TARBP1: variants seen among roughly 807,000 people sequenced by gnomAD.
The protein encoded by TARBP1 is tRNA (guanosine(18)-2'-O)-methyltransferase TARBP1.
In TARBP1, 144 loss-of-function variants were observed where a neutral mutation model predicts 178.6. The observed-to-expected ratio is 0.81, with a 90% CI of 0.70 to 0.93. The LOEUF (loss-of-function observed/expected upper bound fraction) is 0.93. Among genes scored for constraint, TARBP1 ranks in the 40% least tolerant of loss-of-function variants. The pLI is 0.00. For synonymous variants in TARBP1, 787 were observed against 781.0 expected (o/e 1.01, Z -0.13); for missense variants, 2,067 against 2,011.7 (o/e 1.03, Z -0.53).
intron 9 of TARBP1, among the ~76,000 whole-genome samples, chr1:234,453,329 G>C (rs1448304364): frequency 5.6e-5 from 5 of 89,976 alleles, no homozygotes; most frequent in Admixed American, 1.3e-4. Context: ...TTTTTTGTGT[G>C]TTTTTTTTTT....
rs1336025408 is a variant in TARBP1 at position 234,406,156 on chromosome 1, C to T, written c.3793-57G>A. On this transcript the variant is annotated intron_variant, in intron 23 of 29. Transcript: ENST00000040877. ...ACAGACATGGACCATTTTACTCTCA[C>T]TTGTATGACACAAAAAAAGTACACG... 5.3e-6 allele frequency: 8 copies of T among 1,502,354 alleles called. No homozygotes were observed. In the East Asian group the frequency reaches 1.6e-4, roughly 30 times the overall value. 93.1% of individuals were successfully genotyped at this position (1,502,354 alleles called of 1,614,324 possible).
intron 4 of TARBP1, among the ~76,000 whole-genome samples, chr1:234,467,171 A>C (rs1312139623): frequency 6.6e-6 from 1 of 152,232 alleles, no homozygotes; most frequent in Non-Finnish European, 1.5e-5. Flanking sequence ...TCAGTGGCTC[A>C]GAACGGTGAC....
intron 14 of TARBP1, among the ~76,000 whole-genome samples, chr1:234,431,555 C>G (rs10910436): frequency 0.13 from 20,413 of 152,182 alleles, 1,510 homozygotes; most frequent in Middle Eastern, 0.26. Context: ...GGATTAGTTA[C>G]ACTGATTGAG....
rs781480595 is a variant in TARBP1, at chr1:234,393,411, T to C, written c.4511A>G (p.Gln1504Arg). The part of the protein sequence containing the change: ...VGSLQCISDK[Q>R]FQHLSVSAEQ... ...TGCAGAGACACTGAGGTGCTGAAAC[T>C]GTTTGTCGCTGATACACTGAAGGCT... Residue 1504 changes from glutamine to arginine, a missense_variant, in exon 28 of 30, where the codon CAG becomes CGG. Physicochemically the swap from Gln to Arg is conservative, Grantham distance 43 (BLOSUM62 1). Coordinates refer to ENST00000040877, the MANE Select transcript of TARBP1 (RefSeq NM_005646.4). 3.0e-5 allele frequency: 48 copies of C among 1,607,922 alleles called. 1 individual carries two copies. In the South Asian group the frequency reaches 4.6e-4, roughly 16 times the overall value.
chr1:234,446,243 T>C (rs1198012520), intron 12 of TARBP1, among the ~76,000 whole-genome samples: 1 of 152,200 alleles, frequency 6.6e-6, no homozygotes, highest in Admixed American at 6.5e-5. Flanking sequence ...TTTCAACTGC[T>C]GTTTTACATA....
intron 9 of TARBP1, among the ~76,000 whole-genome samples, chr1:234,452,819 G>A (rs946932506): frequency 5.3e-5 from 8 of 152,008 alleles, no homozygotes; most frequent in Non-Finnish European, 1.2e-4. Context: ...ATGTCCTTCA[G>A]TAGGTGAATG....
intron 2 of TARBP1, 29 bp downstream of exon 2, chr1:234,472,685 A>G: frequency 6.8e-7 from 1 of 1,464,376 alleles, no homozygotes. Flanking sequence ...TATCTACTGT[A>G]GGATTTGCTA....
rs1469938422 is a variant in TARBP1 at position 234,463,825 on chromosome 1, A to G, written c.1399+12T>C. On this transcript the variant is annotated intron_variant, in intron 6 of 29. Transcript: ENST00000040877. ...TAAAGCATTTTTAAAAAAACCCTTT[A>G]CTGACACATACTCTTTATTTCTTCT... The G allele has an allele frequency of 6.8e-7, 1 of 1,470,864 alleles. No homozygotes were observed. The highest frequency in any genetic ancestry group is 1.4e-5 in the African/African-American group (1 of 69,078). The allele number at this position is 1,470,864 out of a possible 1,614,324, so 91.1% of individuals were successfully genotyped here.
Position 234,478,721 on chromosome 1 carries a change from A to T in TARBP1, c.383T>A (p.Leu128Gln). ...AALAEEALRDLLAGWRAPGAE... is the reference protein window; with the variant it reads ...AALAEEALRDQLAGWRAPGAE... The stretch of plus-strand genomic sequence containing the variant: ...GCCAGGCGCGCGCCACCCGGCGAGC[A>T]GATCGCGCAGCGCCTCCTCAGCCAG... The change falls in exon 1 of 30, where the codon CTG becomes CAG. Residue 128 changes from leucine (L) to glutamine (Q), a missense_variant. Coordinates refer to ENST00000040877, the MANE Select transcript of TARBP1 (RefSeq NM_005646.4). The T allele has an allele frequency of 8.4e-7, 1 of 1,196,236 alleles. No individual in the cohort carries two copies. The highest frequency in any genetic ancestry group is 1.0e-6 in the Non-Finnish European group (1 of 965,730). The allele number at this position is 1,196,236 out of a possible 1,614,324, so 74.1% of individuals were successfully genotyped here. A position where few individuals can be genotyped will look rare whatever the true frequency, so the allele number is the denominator to read the frequency against.
Position 234,474,291 on chromosome 1 carries a change from G to C in TARBP1, c.932-1480C>G, listed in dbSNP as rs1258512060. 5.5e-5 allele frequency among the ~76,000 whole-genome samples: 7 copies of C among 127,514 alleles called. 1 individual carries two copies. The highest frequency in any genetic ancestry group is 5.6e-4 in the South Asian group (2 of 3,554). The allele number at this position is 127,514 out of a possible 152,430, so 83.7% of individuals were successfully genotyped here. A position where few individuals can be genotyped will look rare whatever the true frequency, so the allele number is the denominator to read the frequency against. The stretch of plus-strand genomic sequence containing the variant: ...ACACACACACACACACACACACAAA[G>C]GGGACATTTAAAAAAAAAAACTCAA... On this transcript the variant is annotated intron_variant, in intron 1 of 29. Transcript: ENST00000040877.
intron 11 of TARBP1, 24 bp downstream of exon 11, chr1:234,448,456 C>A (rs1666402498): frequency 6.3e-7 from 1 of 1,596,332 alleles, no homozygotes; most frequent in Admixed American, 1.7e-5. Context: ...AATAGGCTTT[C>A]TTTTCAATTA....
At chr1:234,444,738 C>T (rs1665977199) in intron 12 of TARBP1, among the ~76,000 whole-genome samples, 1 of 152,004 alleles carries the variant, frequency 6.6e-6, no homozygotes, top group African/African-American at 2.4e-5. Context: ...CTACGACCTC[C>T]TATATCCACC....
At chr1:234,435,572 G>GA (rs1269569693) in intron 13 of TARBP1, among the ~76,000 whole-genome samples, 1 of 152,194 alleles carries the variant, frequency 6.6e-6, no homozygotes, top group Non-Finnish European at 1.5e-5. Context: ...GAAAACACAA[G>GA]AAAGAAGACA....
intron 6 of TARBP1, among the ~76,000 whole-genome samples, chr1:234,462,655 C>G (rs1667983501): frequency 7.1e-6 from 1 of 140,948 alleles, no homozygotes; most frequent in Admixed American, 7.5e-5. Context: ...CACCACTGCA[C>G]TCCAGCCTAA....
Position 234,392,334 on chromosome 1 carries a change from T to C in TARBP1, c.4697+82A>G. 4.5e-6 allele frequency: 7 copies of C among 1,543,240 alleles called. No homozygotes were observed. In the South Asian group the frequency reaches 8.8e-5, roughly 19 times the overall value. On this transcript the variant is annotated intron_variant, in intron 29 of 29. Coordinates refer to ENST00000040877, the MANE Select transcript of TARBP1 (RefSeq NM_005646.4). ...CTGGGCTACAGAGTGAGACTCCGTC[T>C]CAAAAACAAAAAAAAACAAGGTAAC...
intron 8 of TARBP1, 36 bp from the exon 9 acceptor site, chr1:234,457,792 T>C: frequency 6.7e-7 from 1 of 1,502,846 alleles, no homozygotes; most frequent in Non-Finnish European, 9.2e-7. Context: ...AAATTACTCG[T>C]ATTAAAATGT....
chr1:234,463,119 G>GTT (rs1476946116), intron 6 of TARBP1, among the ~76,000 whole-genome samples: 2 of 90,872 alleles, frequency 2.2e-5, no homozygotes, highest in Non-Finnish European at 5.0e-5. Context: ...TAAAACAAGT[G>GTT]TTTTTTTGTT....
intron 20 of TARBP1, 46 bp downstream of exon 20, chr1:234,425,627 C>G: frequency 6.3e-7 from 1 of 1,577,098 alleles, no homozygotes; most frequent in Non-Finnish European, 8.7e-7. Flanking sequence ...AAATGTTGAC[C>G]TCTGACTGTT....
intron 20 of TARBP1, among the ~76,000 whole-genome samples, chr1:234,424,799 T>A (rs563748527): frequency 6.6e-6 from 1 of 152,126 alleles, no homozygotes; most frequent in African/African-American, 2.4e-5. Flanking sequence ...CAGTGGCTCA[T>A]GCCTGTAATC....
Sources: gnomAD v4.1 joint callset for allele counts (sites outside exome capture counted in the v4.1 genomes callset) on GRCh38, gnomAD v4.1.1 for gene constraint, MANE v1.5 for transcripts, NCBI Gene and HGNC (gene_info 2026-07-23, HGNC 2026-07-21) for gene names.